The following ABCA3 variants were observed in gnomAD, a reference collection of about 807,000 sequenced individuals.
ABCA3 encodes ATP binding cassette subfamily A member 3.
In ABCA3, 88 loss-of-function variants were observed where a neutral mutation model predicts 172.8. The observed-to-expected ratio is 0.51, with a 90% CI of 0.43 to 0.61. ABCA3 has a LOEUF of 0.61. Ranked by LOEUF, ABCA3 falls within the 20% of genes least tolerant of loss-of-function variation. ABCA3 has a pLI of 0.00. For synonymous variants in ABCA3, 1,066 were observed against 983.8 expected (o/e 1.08, Z -1.56); for missense variants, 2,164 against 2,301.0 (o/e 0.94, Z 1.22).
At position 2,284,469 on chromosome 16, in the gene ABCA3, G is replaced by C; in HGVS notation, c.3704-32C>G. ...TGGGGAGGTAAGATCAGTCTGCGCT[G>C]GAGGGCACACCACACCCACCTCCAG... On this transcript the variant is annotated intron_variant, in intron 24 of 32. Transcript: ENST00000301732. This position sits in a 1 kb window ranked among gnomAD's most constrained non-coding sequence, Gnocchi z 5.9. 6.2e-7 allele frequency: 1 copy of C among 1,612,944 alleles called. No individual in the cohort carries two copies. The highest frequency in any genetic ancestry group is 8.5e-7 in the Non-Finnish European group (1 of 1,179,800).
intron 1 of ABCA3, among the ~76,000 whole-genome samples, chr16:2,335,187 C>T (rs2093749868): frequency 1.3e-5 from 2 of 152,102 alleles, no homozygotes; most frequent in South Asian, 4.2e-4. Flanking sequence ...GTCCTCACCC[C>T]TTCCCAGTGG....
Position 2,285,143 on chromosome 16 carries a change from G to GC in ABCA3, c.3484-146dup, listed in dbSNP as rs1225661955. ...CCATCAGCCCCACAGGCCACGTCTG[G>GC]CCCCCGCGGTGGCTTTCAGCCCCAG... On this transcript the variant is annotated intron_variant, in intron 23 of 32. Transcript: ENST00000301732. The surrounding 1 kb of genome is among the most constrained non-coding windows in gnomAD (Gnocchi z 4.7). The GC allele has an allele frequency of 7.4e-5, 73 of 988,636 alleles. No individual in the cohort carries two copies. The highest frequency in any genetic ancestry group is 1.0e-4 in the Non-Finnish European group (68 of 651,686). The allele number at this position is 988,636 out of a possible 1,614,324, so 61.2% of individuals were successfully genotyped here.
chr16:2,304,412 T>G (rs909684645), intron 11 of ABCA3, among the ~76,000 whole-genome samples: 1 of 151,884 alleles, frequency 6.6e-6, no homozygotes, highest in African/African-American at 2.4e-5. Flanking sequence ...ATCTGTGACA[T>G]ATATGCACAT....
At position 2,298,436 on chromosome 16, in the gene ABCA3, T is replaced by A; in HGVS notation, c.1846A>T (p.Ile616Phe). 2 of 1,614,134 alleles carry A rather than the reference T, an allele frequency of 1.2e-6. No homozygotes were observed. Among genetic ancestry groups the A allele is most frequent in the Non-Finnish European group, 1.7e-6 (2 of 1,180,024 alleles). Residue 616 changes from isoleucine to phenylalanine, a missense_variant, in exon 15 of 33, where the codon ATC (isoleucine) becomes TTC (phenylalanine). Ile to Phe is a conservative substitution (Grantham distance 21, BLOSUM62 0). Transcript: ENST00000301732. The part of the protein sequence containing the change: ...KSLGLCPQHD[I>F]LFDNLTVAEH... ...GCGACTGTCAAGTTGTCAAACAGGA[T>A]GTCGTGCTGCGGGCACAGGCCCAGG... is the stretch of plus-strand genomic sequence containing the variant.
chr16:2,294,837 G>C (rs949031525), intron 18 of ABCA3, among the ~76,000 whole-genome samples: 1 of 152,020 alleles, frequency 6.6e-6, no homozygotes, highest in African/African-American at 2.4e-5. Flanking sequence ...ACAAAAATTA[G>C]CCGGGTGTGG....
At position 2,284,390 on chromosome 16, in the gene ABCA3, C is replaced by T; in HGVS notation, c.3751G>A (p.Val1251Met). Residue 1251 changes from valine to methionine, a missense_variant, in exon 25 of 33, where the codon GTG (valine) becomes ATG (methionine). Coordinates refer to ENST00000301732, the MANE Select transcript of ABCA3 (RefSeq NM_001089.3). This position sits in a 1 kb window ranked among gnomAD's most constrained non-coding sequence, Gnocchi z 5.9. ...ATCCCCAGACAGTGGTTGGGCAGCA[C>T]CAGGAACACGTGATCCAGGGTTTTG... ...LSKTLDHVFL[V>M]LPNHCLGMAV... The T allele has an allele frequency of 6.2e-7, 1 of 1,613,978 alleles. No individual in the cohort carries two copies. The highest frequency in any genetic ancestry group is 8.5e-7 in the Non-Finnish European group (1 of 1,180,010).
intron 11 of ABCA3, 79 bp downstream of exon 11, chr16:2,308,371 C>T (rs1286357678): frequency 1.9e-6 from 3 of 1,570,750 alleles, no homozygotes; most frequent in Admixed American, 3.4e-5. Flanking sequence ...TGGAGCCTTG[C>T]TGCTGGCGGC....
intron 10 of ABCA3, among the ~76,000 whole-genome samples, chr16:2,314,830 C>T (rs1247605646): frequency 6.6e-6 from 1 of 151,610 alleles, no homozygotes; most frequent in African/African-American, 2.4e-5. Flanking sequence ...CCAGCCTTGG[C>T]CTCCCAAAGT....
chr16:2,284,795 G>A lies in ABCA3; in HGVS notation c.3687C>T (p.Thr1229=). 1 of 1,613,772 alleles carries A rather than the reference G, an allele frequency of 6.2e-7. No individual in the cohort carries two copies. The highest frequency in any genetic ancestry group is 1.6e-4 in the Middle Eastern group (1 of 6,062). The part of the protein sequence containing the change: ...LSGIATFLMV[T]IMRIPAVKLE... ...GGTGCCCACCTGGGATGCGCATGAT[G>A]GTGACCATCAGGAAGGTGGCGATGC... is the stretch of plus-strand genomic sequence containing the variant. Residue 1229 remains threonine, a synonymous_variant, in exon 24 of 33, where the codon ACC becomes ACT. Coordinates refer to ENST00000301732, the MANE Select transcript of ABCA3 (RefSeq NM_001089.3). This position sits in a 1 kb window ranked among gnomAD's most constrained non-coding sequence, Gnocchi z 5.9.
At chr16:2,289,963 A>ACACACACG (rs1475615515) in intron 19 of ABCA3, among the ~76,000 whole-genome samples, 1 of 80,068 alleles carries the variant, frequency 1.2e-5, no homozygotes, top group Non-Finnish European at 3.1e-5. Flanking sequence ...GAATTACATC[A>ACACACACG]CACACACACA....
chr16:2,287,502 T>A lies in ABCA3; in HGVS notation c.3004+524A>T, dbSNP rs2093664900. On this transcript the variant is annotated intron_variant, in intron 21 of 32. Coordinates refer to ENST00000301732, the MANE Select transcript of ABCA3 (RefSeq NM_001089.3). The surrounding 1 kb of genome is among the most constrained non-coding windows in gnomAD (Gnocchi z 4.1). ...CATGTTGACCAGGCTGGTCTCGAACTCCTGACCTCAAGTGATCCACCTGCC... is the reference window on the plus strand; with the variant it reads ...CATGTTGACCAGGCTGGTCTCGAACACCTGACCTCAAGTGATCCACCTGCC... Among the ~76,000 whole-genome samples, 1 of 152,148 alleles carries A rather than the reference T, an allele frequency of 6.6e-6. No homozygotes were observed. The highest frequency in any genetic ancestry group is 1.5e-5 in the Non-Finnish European group (1 of 68,032).
rs752336861 is a variant in ABCA3, at chr16:2,278,409, G to C, written c.4597C>G (p.Pro1533Ala). The change falls in exon 30 of 33, where the codon CCT becomes GCT. Residue 1533 changes from proline (P) to alanine (A), a missense_variant. This residue lies in a region of ABCA3 where 795 missense variants were observed against 881.9 expected (regional missense o/e 0.90). Coordinates refer to ENST00000301732, the MANE Select transcript of ABCA3 (RefSeq NM_001089.3). This position sits in a 1 kb window ranked among gnomAD's most constrained non-coding sequence, Gnocchi z 4.4. ...GGCTCGTCCAGGAAGATGACAGCAG[G>C]CTCTCCGATCAGGGCGATGCCGGTG... ...LSTGIALIGE[P>A]AVIFLDEPST... 4 of 1,612,874 alleles carry C rather than the reference G, an allele frequency of 2.5e-6. No homozygotes were observed. Among genetic ancestry groups the C allele is most frequent in the Non-Finnish European group, 3.4e-6 (4 of 1,180,024 alleles).
In ABCA3 at chr16:2,297,500, T is replaced by C. The variant is rs375570191; in HGVS notation, c.2092A>G (p.Ile698Val). ...LDEPTSGMDA[I>V]SRRAIWDLLQ... ...AGATCCCAGATGGCCCTCCTGGAGA[T>C]GGCGTCCATGCCCGAGGTGGGCTCG... The change falls in exon 17 of 33, where the codon ATC becomes GTC. Residue 698 changes from isoleucine to valine, a missense_variant. By Grantham distance (29) the Ile-to-Val change is conservative. This residue lies in a region of ABCA3 where 1,343 missense variants were observed against 1,369.6 expected (regional missense o/e 0.98). Coordinates refer to ENST00000301732, the MANE Select transcript of ABCA3 (RefSeq NM_001089.3). The surrounding 1 kb of genome is among the most constrained non-coding windows in gnomAD (Gnocchi z 5.6). 2 of 1,613,186 alleles carry C rather than the reference T, an allele frequency of 1.2e-6. No homozygotes were observed. Among genetic ancestry groups the C allele is most frequent in the Admixed American group, 3.3e-5 (2 of 59,974 alleles).
chr16:2,286,869 G>A lies in ABCA3; in HGVS notation c.3103C>T (p.Arg1035Cys), dbSNP rs771179181. Residue 1035 changes from arginine to cysteine, a missense_variant, in exon 22 of 33, where the codon CGC becomes TGC. Physicochemically the swap from Arg to Cys is radical, Grantham distance 180. Transcript: ENST00000301732. The surrounding 1 kb of genome is among the most constrained non-coding windows in gnomAD (Gnocchi z 5.2). ...TTGAACAAGGCGTTGACGACCGTGC[G>A]CTCTCCCACATCTCTGAAGGACGCT... ...VAASFRDVGE[R>C]TVVNALFNNQ... 3.0e-5 allele frequency: 48 copies of A among 1,613,928 alleles called. No homozygotes were observed. Among genetic ancestry groups the A allele is most frequent in the Non-Finnish European group, 3.5e-5 (41 of 1,180,030 alleles).
chr16:2,328,009 C>T (rs543348398), intron 3 of ABCA3, among the ~76,000 whole-genome samples: 1 of 152,348 alleles, frequency 6.6e-6, no homozygotes, highest in Admixed American at 6.5e-5. Context: ...GCGTGAGCCA[C>T]TGTGCCCAGC....
intron 1 of ABCA3, chr16:2,332,325 T>C: frequency 1.4e-6 from 1 of 717,392 alleles, no homozygotes; most frequent in Non-Finnish European, 2.5e-6. Flanking sequence ...ATCGGTAGGA[T>C]TTCTAGTAGC....
At chr16:2,327,878 G>A (rs1447086413) in intron 3 of ABCA3, among the ~76,000 whole-genome samples, 1 of 151,976 alleles carries the variant, frequency 6.6e-6, no homozygotes, top group Admixed American at 6.6e-5. Context: ...CTGCCACCAC[G>A]CCTGACTCAT....
At chr16:2,307,729 TCG>T (rs2093700125) in intron 11 of ABCA3, among the ~76,000 whole-genome samples, 1 of 152,018 alleles carries the variant, frequency 6.6e-6, no homozygotes, top group African/African-American at 2.4e-5. Context: ...CCTCAGCCTC[TCG>T]AGTAGCTGGG....
chr16:2,285,917 C>T lies in ABCA3; in HGVS notation c.3279-271G>A, dbSNP rs2093662425. Among the ~76,000 whole-genome samples the T allele has an allele frequency of 1.3e-5, 2 of 152,212 alleles. No individual in the cohort carries two copies. The highest frequency in any genetic ancestry group is 1.5e-5 in the Non-Finnish European group (1 of 68,036). On this transcript the variant is annotated intron_variant, in intron 22 of 32. Transcript: ENST00000301732. This position sits in a 1 kb window ranked among gnomAD's most constrained non-coding sequence, Gnocchi z 4.7. ...TCCCAGCCCTCAGCCCCACGGCTGC[C>T]GGCGACCTTGCCCAGGTGTGGAGGT... is the stretch of plus-strand genomic sequence containing the variant.
Sources: gnomAD v4.1 joint callset for allele counts (sites outside exome capture counted in the v4.1 genomes callset) on GRCh38, gnomAD v4.1.1 for gene constraint, gnomAD v4.1.1 regional missense constraint, Gnocchi (gnomAD v3.1) non-coding constraint, MANE v1.5 for transcripts, NCBI Gene and HGNC (gene_info 2026-07-23, HGNC 2026-07-21) for gene names.